Variants in PDZD2 observed in about 807,000 individuals in gnomAD.
PDZD2 encodes the protein PDZ domain-containing protein 2.
Under a neutral mutation model 220.7 loss-of-function variants are expected in PDZD2, and 90 were observed. The observed-to-expected ratio is 0.41, with a 90% CI of 0.34 to 0.49. PDZD2 has a LOEUF of 0.49. Ranked by LOEUF, PDZD2 falls within the 20% of genes least tolerant of loss-of-function variation. The pLI, the probability that PDZD2 is intolerant of heterozygous loss-of-function variation, is 0.28. For synonymous variants in PDZD2, 1,375 were observed against 1,450.5 expected (o/e 0.95, Z 1.18); for missense variants, 3,174 against 3,608.5 (o/e 0.88, Z 3.08).
chr5:31,674,328 T>G (rs1189121731), intron 1 of PDZD2, among the ~76,000 whole-genome samples: 2 of 152,202 alleles, frequency 1.3e-5, no homozygotes, highest in African/African-American at 4.8e-5. Context: ...ATTACTCACT[T>G]TAAAGAACAG....
intron 2 of PDZD2, among the ~76,000 whole-genome samples, chr5:31,869,425 T>C (rs530994588): frequency 6.6e-6 from 1 of 152,158 alleles, no homozygotes; most frequent in Non-Finnish European, 1.5e-5. Context: ...TAGCCGGGCG[T>C]GGTGGCGGGC....
At chr5:31,726,073 C>T (rs1039624701) in intron 1 of PDZD2, among the ~76,000 whole-genome samples, 3 of 152,134 alleles carry the variant, frequency 2.0e-5, no homozygotes, top group African/African-American at 7.2e-5. Flanking sequence ...CCTACTGCCT[C>T]CCCTTGGCTG....
At chr5:31,835,067 T>C (rs757081405) in intron 2 of PDZD2, among the ~76,000 whole-genome samples, 3 of 152,142 alleles carry the variant, frequency 2.0e-5, no homozygotes, top group Non-Finnish European at 4.4e-5. Context: ...TTCAAAACTT[T>C]GATAGCCTCG....
chr5:31,948,369 C>T (rs1746845877), intron 2 of PDZD2, among the ~76,000 whole-genome samples: 1 of 152,154 alleles, frequency 6.6e-6, no homozygotes, highest in Non-Finnish European at 1.5e-5. Context: ...TTGAGAATGG[C>T]AGGCTTTTCG....
In PDZD2 at chr5:32,000,696, G is replaced by T. The variant is rs960038302; in HGVS notation, c.1254+425G>T. Among the ~76,000 whole-genome samples the T allele has an allele frequency of 6.6e-6, 1 of 152,144 alleles. No homozygotes were observed. Among genetic ancestry groups the T allele is most frequent in the Non-Finnish European group, 1.5e-5 (1 of 68,030 alleles). On this transcript the variant is annotated intron_variant, in intron 5 of 24. Coordinates refer to ENST00000438447, the MANE Select transcript of PDZD2 (RefSeq NM_178140.4). This position sits in a 1 kb window ranked among gnomAD's most constrained non-coding sequence, Gnocchi z 4.5. ...CGGCTAATTTTGTATTTTTTATAGAGATGGGGTTTCTCCATGTTGGTCAGG... is the reference window on the plus strand; with the variant it reads ...CGGCTAATTTTGTATTTTTTATAGATATGGGGTTTCTCCATGTTGGTCAGG...
At chr5:32,093,940 T>G (rs1029344585) in intron 21 of PDZD2, among the ~76,000 whole-genome samples, 1 of 151,694 alleles carries the variant, frequency 6.6e-6, no homozygotes, top group African/African-American at 2.4e-5. Context: ...ATTGCACCAC[T>G]GCATTCCAGC....
chr5:31,910,400 C>A (rs1382066804), intron 2 of PDZD2, among the ~76,000 whole-genome samples: 1 of 98,702 alleles, frequency 1.0e-5, no homozygotes, highest in Non-Finnish European at 2.2e-5. Flanking sequence ...TTTATTTTTT[C>A]TTTTCCTTTC....
At chr5:31,966,357 A>G (rs987102028) in intron 2 of PDZD2, among the ~76,000 whole-genome samples, 4 of 152,246 alleles carry the variant, frequency 2.6e-5, no homozygotes, top group African/African-American at 9.6e-5. Flanking sequence ...TAAAATAAAC[A>G]TACCATTAAA....
At chr5:32,080,690 T>TG (rs1741854914) in intron 19 of PDZD2, among the ~76,000 whole-genome samples, 2 of 152,196 alleles carry the variant, frequency 1.3e-5, no homozygotes, top group Non-Finnish European at 2.9e-5. Flanking sequence ...GAGGTTTTCA[T>TG]CAGTGTTAGA....
chr5:32,088,981 G>C lies in PDZD2; in HGVS notation c.5533G>C (p.Val1845Leu), dbSNP rs748596911. ...GGTGAGTTCAAGCCAAAAAAAGGGC[G>C]TTACTGTGCCTCATAGCCCTCCTCA... ...QMVSSSQKKG[V>L]TVPHSPPQPK... Residue 1845 changes from valine to leucine, a missense_variant, in exon 20 of 25, where the codon GTT (valine) becomes CTT (leucine). By Grantham distance (32) the Val-to-Leu change is conservative. Around this residue, in one of 4 missense-constraint regions of PDZD2, gnomAD observed 1,861 missense variants for 2,001.0 expected, o/e 0.93. Transcript: ENST00000438447. The surrounding 1 kb of genome is among the most constrained non-coding windows in gnomAD (Gnocchi z 4.6). 2 of 1,613,878 alleles carry C rather than the reference G, an allele frequency of 1.2e-6. No homozygotes were observed. Among genetic ancestry groups the C allele is most frequent in the Non-Finnish European group, 1.7e-6 (2 of 1,180,030 alleles).
chr5:31,849,945 TATAC>T (rs1432812660), intron 2 of PDZD2, among the ~76,000 whole-genome samples: 2 of 23,886 alleles, frequency 8.4e-5, no homozygotes, highest in African/African-American at 6.3e-4. Flanking sequence ...CATATATATA[TATAC>T]ATATATATAT....
rs1046309694 is a variant in PDZD2, at chr5:31,782,038, G to A, written c.-360-16851G>A. Among the ~76,000 whole-genome samples the A allele has an allele frequency of 3.9e-5, 6 of 152,150 alleles. No homozygotes were observed. The East Asian group carries it at 7.7e-4, about 20-fold the overall frequency. ...CTATGCCGGCACAGTGTGGGTGGCC[G>A]TGGCCCATGGGTGCTATCTGCATTC... On this transcript the variant is annotated intron_variant, in intron 1 of 24. Transcript: ENST00000438447.
At chr5:31,657,595 G>C (rs947792941) in intron 1 of PDZD2, among the ~76,000 whole-genome samples, 1 of 152,156 alleles carries the variant, frequency 6.6e-6, no homozygotes, top group Non-Finnish European at 1.5e-5. Context: ...TCAAGTGAAG[G>C]TCCTGCACTT....
rs1357410851 is a variant in PDZD2 at position 31,745,093 on chromosome 5, T to TA, written c.-360-53793dup. ...GTCTCAAAAAAAATAAATAAATAAA[T>TA]AAATAAAATAAAAAATAAACACCAA... On this transcript the variant is annotated intron_variant, in intron 1 of 24. Coordinates refer to ENST00000438447, the MANE Select transcript of PDZD2 (RefSeq NM_178140.4). 9.9e-4 allele frequency among the ~76,000 whole-genome samples: 151 copies of TA among 151,998 alleles called. 1 individual carries two copies. The highest frequency in any genetic ancestry group is 3.5e-3 in the African/African-American group (144 of 41,492).
chr5:31,849,931 TAC>T lies in PDZD2; in HGVS notation c.476+50211_476+50212del, dbSNP rs1165109458. 1.0e-3 allele frequency among the ~76,000 whole-genome samples: 20 copies of T among 20,014 alleles called. 1 individual carries two copies. The highest frequency in any genetic ancestry group is 6.6e-3 in the East Asian group (5 of 758). The allele number at this position is 20,014 out of a possible 152,430, so 13.1% of individuals were successfully genotyped here. On this transcript the variant is annotated intron_variant, in intron 2 of 24. Transcript: ENST00000438447. ...ATATATATATATACATATATATATA[TAC>T]ACATATATATATATACATATATATA... is the stretch of plus-strand genomic sequence containing the variant.
intron 7 of PDZD2, among the ~76,000 whole-genome samples, chr5:32,046,998 G>A (rs140664861): frequency 0.017 from 2,561 of 151,982 alleles, 69 homozygotes; most frequent in African/African-American, 0.059. Flanking sequence ...AGCAAATTGC[G>A]CCACTGCACT....
At chr5:32,066,792 C>T (rs537278028) in intron 14 of PDZD2, among the ~76,000 whole-genome samples, 1 of 152,348 alleles carries the variant, frequency 6.6e-6, no homozygotes, top group South Asian at 2.1e-4. Flanking sequence ...TTTGCCAATA[C>T]AATCAAACAT....
chr5:31,736,355 A>G (rs752542656), intron 1 of PDZD2, among the ~76,000 whole-genome samples: 9 of 152,304 alleles, frequency 5.9e-5, no homozygotes, highest in East Asian at 3.9e-4. Flanking sequence ...AAGCCACTCA[A>G]TAAGGACCTG....
chr5:32,040,551 G>GCCA (rs1756001673), intron 7 of PDZD2, among the ~76,000 whole-genome samples: 2 of 145,530 alleles, frequency 1.4e-5, no homozygotes, highest in Admixed American at 6.8e-5. Context: ...CTGCCCGGCT[G>GCCA]CCCCGTCTGG....
Sources: gnomAD v4.1 joint callset for allele counts (sites outside exome capture counted in the v4.1 genomes callset) on GRCh38, gnomAD v4.1.1 for gene constraint, gnomAD v4.1.1 regional missense constraint, Gnocchi (gnomAD v3.1) non-coding constraint, MANE v1.5 for transcripts, NCBI Gene and HGNC (gene_info 2026-07-23, HGNC 2026-07-21) for gene names.